The following CHST8 variants were observed in gnomAD, a reference collection of about 807,000 sequenced individuals.
CHST8 encodes the protein GALNAC-4-ST1.
In CHST8, 10 loss-of-function variants were observed where a neutral mutation model predicts 15.0. The observed-to-expected ratio is 0.67, with a 90% CI of 0.41 to 1.13. The LOEUF (loss-of-function observed/expected upper bound fraction) is 1.13, where lower values mean the gene tolerates loss of function less well. CHST8 is among the 50% of genes most tolerant of loss of function. The probability of loss-of-function intolerance (pLI) is 0.00; values close to 1 mark genes in which losing one functional copy is unlikely to be tolerated. For synonymous variants in CHST8, 259 were observed against 256.6 expected, an observed-to-expected ratio of 1.01 and a Z score of -0.09; for missense variants, 634 against 608.2, an observed-to-expected ratio of 1.04 and a Z score of -0.45.
intron 3 of CHST8, among the ~76,000 whole-genome samples, chr19:33,743,369 G>C (rs952852871): frequency 7.0e-6 from 1 of 142,394 alleles, no homozygotes; most frequent in Non-Finnish European, 1.5e-5. Context: ...GCGCGATCTC[G>C]GCTCACTGCA....
intron 3 of CHST8, among the ~76,000 whole-genome samples, chr19:33,691,636 G>A (rs1973100869): frequency 6.6e-6 from 1 of 152,176 alleles, no homozygotes; most frequent in Non-Finnish European, 1.5e-5. Context: ...CCATCCTGTT[G>A]GCTTCTCTGA....
intron 3 of CHST8, 149 bp downstream of exon 3, chr19:33,689,540 G>A (rs1973057375): frequency 1.1e-6 from 1 of 942,238 alleles, no homozygotes; most frequent in Non-Finnish European, 1.5e-6. Flanking sequence ...GGCTTCCCGG[G>A]GAAGGCGTTA....
chr19:33,764,625 G>A (rs1239903130), intron 3 of CHST8, among the ~76,000 whole-genome samples: 4 of 152,228 alleles, frequency 2.6e-5, no homozygotes, highest in Non-Finnish European at 1.5e-5. Context: ...CCCTGTGCTT[G>A]TAAACTGTGA....
intron 3 of CHST8, among the ~76,000 whole-genome samples, chr19:33,720,683 T>C (rs1314568846): frequency 1.3e-5 from 2 of 152,174 alleles, no homozygotes; most frequent in Non-Finnish European, 2.9e-5. Flanking sequence ...AGCTGGAAGT[T>C]CTCCCCTCAA....
At chr19:33,678,032 G>A (rs1002942261) in intron 2 of CHST8, among the ~76,000 whole-genome samples, 9 of 152,194 alleles carry the variant, frequency 5.9e-5, no homozygotes, top group African/African-American at 7.2e-5. Context: ...GAGGGACTGG[G>A]AAAGAAAGAC....
At chr19:33,694,198 ATATATATATATATATATATATAAT>A (rs1311854649) in intron 3 of CHST8, among the ~76,000 whole-genome samples, 1 of 111,330 alleles carries the variant, frequency 9.0e-6, no homozygotes, top group African/African-American at 3.5e-5. Flanking sequence ...ATATATATAT[ATATATATATATATATATATATAAT>A]GTTACCATAC....
At chr19:33,658,430 T>A (rs1261316897) in intron 1 of CHST8, among the ~76,000 whole-genome samples, 1 of 152,248 alleles carries the variant, frequency 6.6e-6, no homozygotes, top group Non-Finnish European at 1.5e-5. Context: ...TCCTTCTCTG[T>A]GAGTTCATTT....
At chr19:33,677,963 A>T (rs887392040) in intron 2 of CHST8, among the ~76,000 whole-genome samples, 1 of 152,160 alleles carries the variant, frequency 6.6e-6, no homozygotes, top group African/African-American at 2.4e-5. Flanking sequence ...GATGTATTGC[A>T]GGACAGGTGT....
intron 3 of CHST8, among the ~76,000 whole-genome samples, chr19:33,709,793 A>G (rs1973514571): frequency 6.6e-6 from 1 of 152,190 alleles, no homozygotes; most frequent in Admixed American, 6.5e-5. Flanking sequence ...TTAAATGTTT[A>G]TTAGAATTTA....
intron 2 of CHST8, among the ~76,000 whole-genome samples, chr19:33,668,224 A>C (rs1336228134): frequency 1.3e-5 from 2 of 152,316 alleles, no homozygotes; most frequent in South Asian, 2.1e-4. Context: ...GTGGAAGGGA[A>C]TTAACTAAAT....
chr19:33,768,301 A>G (rs1017981498), intron 3 of CHST8, among the ~76,000 whole-genome samples: 2 of 152,104 alleles, frequency 1.3e-5, no homozygotes, highest in Non-Finnish European at 2.9e-5. Flanking sequence ...GTAGCCAGGT[A>G]TGGTGGCTCG....
chr19:33,697,678 G>T (rs1487519840), intron 3 of CHST8, among the ~76,000 whole-genome samples: 1 of 152,268 alleles, frequency 6.6e-6, no homozygotes, highest in Non-Finnish European at 1.5e-5. Flanking sequence ...GCGGCTGCCT[G>T]TGGTTCACTG....
At chr19:33,769,343 C>T (rs745401282) in intron 3 of CHST8, among the ~76,000 whole-genome samples, 5 of 152,210 alleles carry the variant, frequency 3.3e-5, no homozygotes, top group African/African-American at 9.7e-5. Flanking sequence ...ATATAAGCAC[C>T]GTCACACCTT....
chr19:33,667,287 G>A (rs1035645801), intron 1 of CHST8, among the ~76,000 whole-genome samples: 22 of 152,304 alleles, frequency 1.4e-4, no homozygotes, highest in Middle Eastern at 3.4e-3. Flanking sequence ...GAGAAATAAC[G>A]TAGGAGAAAG....
At chr19:33,721,543 T>G (rs973073889) in intron 3 of CHST8, among the ~76,000 whole-genome samples, 2 of 147,902 alleles carry the variant, frequency 1.4e-5, no homozygotes, top group Non-Finnish European at 3.0e-5. Flanking sequence ...GATAGGTGGA[T>G]GGACAGATTG....
chr19:33,664,442 CTCCCCCCT>C, intron 1 of CHST8, among the ~76,000 whole-genome samples: 1 of 103,512 alleles, frequency 9.7e-6, no homozygotes, highest in African/African-American at 4.3e-5. Flanking sequence ...CCCCTCCCCC[CTCCCCCCT>C]CCCCACAACA....
At chr19:33,699,143 TG>T (rs1042337461) in intron 3 of CHST8, among the ~76,000 whole-genome samples, 16 of 152,268 alleles carry the variant, frequency 1.1e-4, no homozygotes, top group African/African-American at 2.4e-4. Flanking sequence ...TCCCTGGGCT[TG>T]CCAGCCACAG....
intron 3 of CHST8, among the ~76,000 whole-genome samples, chr19:33,697,968 G>C (rs1421790626): frequency 1.3e-5 from 2 of 152,124 alleles, no homozygotes; most frequent in Admixed American, 1.3e-4. Context: ...CCCGGAGTAG[G>C]GAGTGGTGCA....
chr19:33,634,111 C>T (rs1433113218), intron 1 of CHST8, among the ~76,000 whole-genome samples: 1 of 152,210 alleles, frequency 6.6e-6, no homozygotes, highest in Non-Finnish European at 1.5e-5. Context: ...TGAGCCACCA[C>T]TCCCGACTCC....
Sources: allele counts gnomAD v4.1 joint callset (sites outside exome capture counted in the v4.1 genomes callset), GRCh38; gene constraint gnomAD v4.1.1; transcripts MANE v1.5; gene names NCBI Gene and HGNC (gene_info 2026-07-23, HGNC 2026-07-21).